AGBL1: variants seen among roughly 807,000 people sequenced by gnomAD.
AGBL1 encodes the protein AGBL carboxypeptidase 1, also known as cytosolic carboxypeptidase 4.
AGBL1 carries 130 observed loss-of-function variants against 118.9 expected under a neutral mutation model. The ratio of observed to expected loss-of-function variants is 1.09; its 90% CI spans 0.95 to 1.26. The LOEUF (loss-of-function observed/expected upper bound fraction) is 1.26. Among genes scored for constraint, AGBL1 ranks in the 50% most tolerant of loss-of-function variants. The probability of loss-of-function intolerance (pLI) is 0.00; values close to 1 mark genes in which losing one functional copy is unlikely to be tolerated. For synonymous variants in AGBL1, 555 were observed against 478.9 expected (o/e 1.16, Z -2.08); for missense variants, 1,584 against 1,298.1 (o/e 1.22, Z -3.38).
chr15:86,704,708 G>T (rs1358379341), intron 22 of AGBL1, among the ~76,000 whole-genome samples: 1 of 152,166 alleles, frequency 6.6e-6, no homozygotes, highest in African/African-American at 2.4e-5. Flanking sequence ...TTCAACCATT[G>T]TGGAAAACAG....
downstream of AGBL1, among the ~76,000 whole-genome samples, chr15:86,918,779 T>C (rs1300185235): frequency 6.6e-6 from 1 of 152,182 alleles, no homozygotes; most frequent in East Asian, 1.9e-4. Context: ...CCCTAGCAAA[T>C]GTTCAGAGCA....
At chr15:86,977,962 TG>T (rs2081191868) in intron 23 of AGBL1, among the ~76,000 whole-genome samples, 1 of 152,106 alleles carries the variant, frequency 6.6e-6, no homozygotes, top group East Asian at 1.9e-4. Context: ...AAATAAGAAA[TG>T]TTAAATTTTA....
At chr15:86,087,824 G>A (rs892564883) in intron 1 of AGBL1, among the ~76,000 whole-genome samples, 3 of 152,238 alleles carry the variant, frequency 2.0e-5, no homozygotes, top group African/African-American at 7.2e-5. Flanking sequence ...CTAAGGAAAA[G>A]GAAGGGCATT....
intron 22 of AGBL1, among the ~76,000 whole-genome samples, chr15:86,882,862 C>A (rs1162095333): frequency 4.6e-5 from 7 of 152,230 alleles, no homozygotes; most frequent in Admixed American, 3.3e-4. Context: ...TCTCTCTTTT[C>A]TTTTTAAAAA....
chr15:86,726,915 C>G (rs935430136), intron 22 of AGBL1, among the ~76,000 whole-genome samples: 2 of 152,140 alleles, frequency 1.3e-5, no homozygotes, highest in African/African-American at 2.4e-5. Flanking sequence ...TAGTTTCTGA[C>G]AAGGCTACAA....
At chr15:86,668,153 C>A (rs1310166875) in intron 21 of AGBL1, among the ~76,000 whole-genome samples, 1 of 152,300 alleles carries the variant, frequency 6.6e-6, no homozygotes, top group African/African-American at 2.4e-5. Flanking sequence ...CTCCATGAAC[C>A]AAACACCTCC....
intron 9 of AGBL1, among the ~76,000 whole-genome samples, chr15:86,259,714 G>A (rs769088540): frequency 6.6e-6 from 1 of 152,224 alleles, no homozygotes; most frequent in Non-Finnish European, 1.5e-5. Context: ...GCTTGATGGT[G>A]CAGGCCTATG....
At chr15:86,158,760 A>G (rs988423441) in intron 4 of AGBL1, among the ~76,000 whole-genome samples, 173 bp from the exon 5 acceptor site, 12 of 152,276 alleles carry the variant, frequency 7.9e-5, no homozygotes, top group Middle Eastern at 6.8e-3. Flanking sequence ...TACCTTAGTC[A>G]TGGGAGACCC....
chr15:86,751,739 G>A (rs150680937), intron 22 of AGBL1, among the ~76,000 whole-genome samples: 45 of 152,202 alleles, frequency 3.0e-4, no homozygotes, highest in African/African-American at 1.0e-3. Flanking sequence ...TTTAAAGTGA[G>A]GTTGCATATT....
Position 86,237,643 on chromosome 15 carries a change from C to T in AGBL1, c.527-10028C>T, listed in dbSNP as rs560587349. Among the ~76,000 whole-genome samples the T allele has an allele frequency of 1.5e-4, 23 of 152,232 alleles. No homozygotes were observed. In the South Asian group the frequency reaches 4.6e-3, roughly 30 times the overall value. On this transcript the variant is annotated intron_variant, in intron 6 of 22. Coordinates refer to ENST00000614907, the MANE Select transcript of AGBL1 (RefSeq NM_001386094.1). Reference sequence around the variant, plus strand: ...GGTTTAGCAAGTACTTCCTTCCCCACCCACAGTCTAGACTCAAAATAAAAA... The same window carrying T: ...GGTTTAGCAAGTACTTCCTTCCCCATCCACAGTCTAGACTCAAAATAAAAA...
At chr15:86,344,909 G>T (rs956192431) in intron 17 of AGBL1, among the ~76,000 whole-genome samples, 2 of 152,004 alleles carry the variant, frequency 1.3e-5, no homozygotes, top group Non-Finnish European at 2.9e-5. Flanking sequence ...AGAGCCCTTT[G>T]TTTGTACTTG....
intron 3 of AGBL1, among the ~76,000 whole-genome samples, chr15:86,147,770 T>G (rs1475011852): frequency 6.6e-6 from 1 of 152,178 alleles, no homozygotes; most frequent in African/African-American, 2.4e-5. Context: ...CCCAGCACAG[T>G]GTTTGAGCTC....
chr15:86,219,943 C>CTTT lies in AGBL1; in HGVS notation c.489-4970_489-4969insTTT, dbSNP rs1491233116. On this transcript the variant is annotated intron_variant, in intron 5 of 22. Coordinates refer to ENST00000614907, the MANE Select transcript of AGBL1 (RefSeq NM_001386094.1). Reference sequence around the variant, plus strand: ...GAGGTAGACTTATAGCTAATGCTGCCTCTTTTTTTTTTTTTTTTTTTTTTT... The same window carrying CTTT: ...GAGGTAGACTTATAGCTAATGCTGCCTTTTCTTTTTTTTTTTTTTTTTTTTTTT... Among the ~76,000 whole-genome samples the CTTT allele has an allele frequency of 2.8e-4, 31 of 109,784 alleles. 1 individual carries two copies. Among genetic ancestry groups the CTTT allele is most frequent in the African/African-American group, 2.7e-4 (9 of 33,236 alleles). 72.0% of individuals were successfully genotyped at this position (109,784 alleles called of 152,430 possible). A position where few individuals can be genotyped will look rare whatever the true frequency, so the allele number is the denominator to read the frequency against.
chr15:87,021,237 T>C (rs748950457), intron 24 of AGBL1, among the ~76,000 whole-genome samples: 6 of 152,184 alleles, frequency 3.9e-5, no homozygotes, highest in South Asian at 4.2e-4. Flanking sequence ...AATCCAGCAA[T>C]GGGGAAAGGA....
chr15:86,981,984 T>A (rs2081235869), intron 23 of AGBL1, among the ~76,000 whole-genome samples: 1 of 152,238 alleles, frequency 6.6e-6, no homozygotes, highest in Non-Finnish European at 1.5e-5. Flanking sequence ...AAAATTATAA[T>A]GTAAAATATT....
chr15:86,431,232 T>A (rs1006710577), intron 18 of AGBL1, among the ~76,000 whole-genome samples: 1 of 152,246 alleles, frequency 6.6e-6, no homozygotes, highest in Non-Finnish European at 1.5e-5. Flanking sequence ...ATTCTCTGTT[T>A]CTTTCAGTGT....
intron 1 of AGBL1, among the ~76,000 whole-genome samples, chr15:86,131,442 AT>A (rs201598476): frequency 2.0e-5 from 3 of 152,054 alleles, no homozygotes; most frequent in Middle Eastern, 3.4e-3. Context: ...ACAATGTCCT[AT>A]TTTTTTTAAA....
chr15:86,369,573 G>C (rs2080941443), intron 17 of AGBL1, among the ~76,000 whole-genome samples: 1 of 152,072 alleles, frequency 6.6e-6, no homozygotes, highest in Non-Finnish European at 1.5e-5. Context: ...TATGTAACCA[G>C]TAATACCAAT....
At chr15:86,532,372 A>G (rs1281303654) in intron 19 of AGBL1, among the ~76,000 whole-genome samples, 1 of 149,222 alleles carries the variant, frequency 6.7e-6, no homozygotes, top group East Asian at 2.0e-4. Flanking sequence ...TGCTTCAAAG[A>G]GAATAAAATA....
Sources: gnomAD v4.1 joint callset for allele counts (sites outside exome capture counted in the v4.1 genomes callset) on GRCh38, gnomAD v4.1.1 for gene constraint, MANE v1.5 for transcripts, NCBI Gene and HGNC (gene_info 2026-07-23, HGNC 2026-07-21) for gene names.